ANKRD31: variants seen among roughly 807,000 people sequenced by gnomAD.
The protein encoded by ANKRD31 is ankyrin repeat domain 31.
Under a neutral mutation model 186.0 loss-of-function variants are expected in ANKRD31, and 147 were observed. That is an observed-to-expected ratio of 0.79 (90% CI 0.69 to 0.91). ANKRD31 has a LOEUF of 0.91. ANKRD31 is among the 40% of genes least tolerant of loss of function. The pLI is 0.00. For synonymous variants in ANKRD31, 673 were observed against 736.4 expected (o/e 0.91, Z 1.39); for missense variants, 1,986 against 2,148.8 (o/e 0.92, Z 1.50).
intron 12 of ANKRD31, among the ~76,000 whole-genome samples, chr5:75,150,672 C>T (rs1226772657): frequency 1.3e-5 from 2 of 151,800 alleles, no homozygotes; most frequent in African/African-American, 2.4e-5. Flanking sequence ...AAAGTGGGCA[C>T]TGGTGAAGAG....
chr5:75,188,120 T>C (rs1337082472), intron 10 of ANKRD31, among the ~76,000 whole-genome samples: 1 of 152,130 alleles, frequency 6.6e-6, no homozygotes, highest in Non-Finnish European at 1.5e-5. Context: ...ATCATAAATT[T>C]TCCCCTACAG....
chr5:75,098,207 A>G (rs550901440), intron 22 of ANKRD31, among the ~76,000 whole-genome samples: 2 of 152,014 alleles, frequency 1.3e-5, no homozygotes, highest in South Asian at 4.2e-4. Flanking sequence ...GTTAGCCAGG[A>G]TGGTCTCGAT....
Position 75,224,161 on chromosome 5 carries a change from G to GTA in ANKRD31, c.179-1805_179-1804dup, listed in dbSNP as rs1166396416. The stretch of plus-strand genomic sequence containing the variant: ...TATATATATATATATATATATATAT[G>GTA]TATATATATATATATATACACACAT... On this transcript the variant is annotated intron_variant, in intron 2 of 25. Transcript: ENST00000506364. Among the ~76,000 whole-genome samples the GTA allele has an allele frequency of 3.2e-3, 116 of 36,078 alleles. 1 individual carries two copies. Among genetic ancestry groups the GTA allele is most frequent in the East Asian group, 3.9e-3 (4 of 1,022 alleles). The allele number at this position is 36,078 out of a possible 152,430, so 23.7% of individuals were successfully genotyped here. A position where few individuals can be genotyped will look rare whatever the true frequency, so the allele number is the denominator to read the frequency against.
intron 9 of ANKRD31, 60 bp downstream of exon 9, chr5:75,192,607 T>C: frequency 8.0e-7 from 1 of 1,255,590 alleles, no homozygotes; most frequent in East Asian, 2.5e-5. Flanking sequence ...AATCTCTGAA[T>C]CCTTTCTACC....
At chr5:75,176,761 G>GAT (rs1753835802) in intron 10 of ANKRD31, among the ~76,000 whole-genome samples, 1 of 152,160 alleles carries the variant, frequency 6.6e-6, no homozygotes, top group African/African-American at 2.4e-5. Flanking sequence ...ACAAAAGGTA[G>GAT]ATAAAACCAC....
chr5:75,182,325 G>A (rs1230233108), intron 10 of ANKRD31, among the ~76,000 whole-genome samples: 1 of 152,150 alleles, frequency 6.6e-6, no homozygotes, highest in Non-Finnish European at 1.5e-5. Flanking sequence ...AAACTCAAAA[G>A]TCGTTAACTT....
chr5:75,148,196 G>A (rs1751609566), intron 13 of ANKRD31, among the ~76,000 whole-genome samples: 1 of 151,938 alleles, frequency 6.6e-6, no homozygotes, highest in African/African-American at 2.4e-5. Flanking sequence ...CAGGAACACA[G>A]CTTCCTCTCA....
At chr5:75,163,143 G>A (rs1185817389) in intron 11 of ANKRD31, among the ~76,000 whole-genome samples, 1 of 152,218 alleles carries the variant, frequency 6.6e-6, no homozygotes, top group Non-Finnish European at 1.5e-5. Context: ...TAGGGATGAA[G>A]AGAAAGAATA....
Position 75,146,659 on chromosome 5 carries a change from C to G in ANKRD31, c.2752G>C (p.Val918Leu). 1 of 1,535,982 alleles carries G rather than the reference C, an allele frequency of 6.5e-7. No individual in the cohort carries two copies. The highest frequency in any genetic ancestry group is 8.7e-7 in the Non-Finnish European group (1 of 1,146,098). ...TSEKAITSKK[V>L]LCSTGGKKHY... is the part of the protein sequence containing the mutation. ...TTTTTGCCACCTGTAGAACACAACA[C>G]CTTTTTAGATGTTATAGCCTTCTCA... The change falls in exon 14 of 26, where the codon GTG becomes CTG. Residue 918 changes from valine to leucine, a missense_variant. Coordinates refer to ENST00000506364, the MANE Select transcript of ANKRD31 (RefSeq NM_001372053.1).
chr5:75,196,655 G>C (rs909588762), intron 6 of ANKRD31, among the ~76,000 whole-genome samples: 7 of 152,098 alleles, frequency 4.6e-5, no homozygotes, highest in African/African-American at 1.7e-4. Context: ...CACCTTTGTA[G>C]GAATAAGTAA....
Position 75,195,961 on chromosome 5 carries a change from T to A in ANKRD31, c.687A>T (p.Thr229=). The stretch of plus-strand genomic sequence containing the variant: ...TTTCCTCCTGGGTGCTTTCTGGTGA[T>A]GTAAGTAAACTTTCTAAGGCAGACA... ...TFVSALESLL[T]SPESTQEERL... is the part of the protein sequence containing the mutation. Residue 229 remains threonine, a synonymous_variant, in exon 7 of 26, where the codon ACA becomes ACT. Coordinates refer to ENST00000506364, the MANE Select transcript of ANKRD31 (RefSeq NM_001372053.1). 1.3e-6 allele frequency: 2 copies of A among 1,532,568 alleles called. No individual in the cohort carries two copies. The highest frequency in any genetic ancestry group is 1.7e-6 in the Non-Finnish European group (2 of 1,144,648). 94.9% of individuals were successfully genotyped at this position (1,532,568 alleles called of 1,614,324 possible).
In ANKRD31 at chr5:75,097,819, T is replaced by G. The variant is rs1746456696; in HGVS notation, c.5331+6409A>C. On this transcript the variant is annotated intron_variant, in intron 22 of 25. Coordinates refer to ENST00000506364, the MANE Select transcript of ANKRD31 (RefSeq NM_001372053.1). Reference sequence around the variant, plus strand: ...TAACATTTAAGTCTTTAATCCATCTTGAATTAATTTTTGTATAAGGTGTAA... The same window carrying G: ...TAACATTTAAGTCTTTAATCCATCTGGAATTAATTTTTGTATAAGGTGTAA... 2.0e-5 allele frequency among the ~76,000 whole-genome samples: 3 copies of G among 152,334 alleles called. No individual in the cohort carries two copies. In the South Asian group the frequency reaches 6.2e-4, roughly 32 times the overall value.
At chr5:75,178,723 A>G (rs1754025394) in intron 10 of ANKRD31, among the ~76,000 whole-genome samples, 1 of 152,208 alleles carries the variant, frequency 6.6e-6, no homozygotes, top group African/African-American at 2.4e-5. Context: ...TCTCTGGGAC[A>G]CATTCAAAGC....
At chr5:75,188,734 C>A in intron 9 of ANKRD31, 86 bp from the exon 10 acceptor site, 1 of 1,171,650 alleles carries the variant, frequency 8.5e-7, no homozygotes, top group Non-Finnish European at 1.2e-6. Context: ...TTTCAAACTA[C>A]AAACTTCACG....
chr5:75,160,317 C>T (rs1248839969), intron 11 of ANKRD31, among the ~76,000 whole-genome samples: 1 of 151,946 alleles, frequency 6.6e-6, no homozygotes, highest in Admixed American at 6.6e-5. Flanking sequence ...AGAGCATCCA[C>T]TAAGAGCATA....
In ANKRD31 at chr5:75,104,842, C is replaced by T. The variant is rs766740713; in HGVS notation, c.4717G>A (p.Asp1573Asn). 1 of 1,537,184 alleles carries T rather than the reference C, an allele frequency of 6.5e-7. No individual in the cohort carries two copies. The highest frequency in any genetic ancestry group is 1.2e-5 in the South Asian group (1 of 84,044). The part of the protein sequence containing the change: ...AVRRGEFSGN[D>N]MNSKQNGSDC... ...CTGCCATTTTGTTTAGAATTCATAT[C>T]ATTTCCAGAAAATTCTCCCCTTCTC... Residue 1573 changes from aspartate (D) to asparagine (N), a missense_variant, in exon 22 of 26, where the codon GAT becomes AAT. Asp to Asn is a conservative substitution (Grantham distance 23). Coordinates refer to ENST00000506364, the MANE Select transcript of ANKRD31 (RefSeq NM_001372053.1).
chr5:75,234,625 T>C (rs1758148880), intron 1 of ANKRD31, among the ~76,000 whole-genome samples: 1 of 152,224 alleles, frequency 6.6e-6, no homozygotes, highest in African/African-American at 2.4e-5. Flanking sequence ...TTTGATTGTT[T>C]TGTAATTCTT....
intron 4 of ANKRD31, among the ~76,000 whole-genome samples, 178 bp from the exon 5 acceptor site, chr5:75,206,665 A>G (rs939424162): frequency 6.6e-6 from 1 of 152,096 alleles, no homozygotes; most frequent in African/African-American, 2.4e-5. Context: ...TTTCATTTCA[A>G]GTAACTGCAC....
chr5:75,093,005 T>G lies in ANKRD31; in HGVS notation c.5332-1604A>C, dbSNP rs560094170. 3.9e-5 allele frequency among the ~76,000 whole-genome samples: 6 copies of G among 152,098 alleles called. No individual in the cohort carries two copies. In the East Asian group the frequency reaches 1.2e-3, roughly 29 times the overall value. On this transcript the variant is annotated intron_variant, in intron 22 of 25. Coordinates refer to ENST00000506364, the MANE Select transcript of ANKRD31 (RefSeq NM_001372053.1). ...CCAAAGAGGCTCAACAGATTTAAAC[T>G]GGCAAGAGAAAGAATTAGTAAACTT...
Sources: allele counts gnomAD v4.1 joint callset (sites outside exome capture counted in the v4.1 genomes callset), GRCh38; gene constraint gnomAD v4.1.1; transcripts MANE v1.5; gene names NCBI Gene and HGNC (gene_info 2026-07-23, HGNC 2026-07-21).